The following SPOCK3 variants were observed in gnomAD, a reference collection of about 807,000 sequenced individuals.
The protein encoded by SPOCK3 is testican-3.
Under a neutral mutation model 56.6 loss-of-function variants are expected in SPOCK3, and 30 were observed. The observed-to-expected ratio is 0.53, with a 90% CI of 0.40 to 0.72. The LOEUF (loss-of-function observed/expected upper bound fraction) is 0.72. SPOCK3 is among the 30% of genes least tolerant of loss of function. The probability of loss-of-function intolerance (pLI) is 0.00; values close to 1 mark genes in which losing one functional copy is unlikely to be tolerated. For missense variants in SPOCK3, 527 were observed against 530.0 expected (o/e 0.99, Z 0.06); for synonymous variants, 196 against 183.3 (o/e 1.07, Z -0.56).
chr4:167,010,700 C>A (rs1169480512), intron 3 of SPOCK3, among the ~76,000 whole-genome samples: 1 of 151,850 alleles, frequency 6.6e-6, no homozygotes, highest in African/African-American at 2.4e-5. Flanking sequence ...AGTATACCGA[C>A]GGACCCAGAA....
At chr4:166,754,403 T>C (rs1444951826) in intron 8 of SPOCK3, 105 bp downstream of exon 8, 9 of 1,422,766 alleles carry the variant, frequency 6.3e-6, no homozygotes, top group African/African-American at 2.9e-5. Context: ...TACAAAAACA[T>C]ACACAAAATG....
Position 166,741,138 on chromosome 4 carries a change from G to A in SPOCK3, c.994+859C>T, listed in dbSNP as rs147074607. Among the ~76,000 whole-genome samples, 65 of 152,194 alleles carry A rather than the reference G, an allele frequency of 4.3e-4. No individual in the cohort carries two copies. In the East Asian group the frequency reaches 7.9e-3, roughly 19 times the overall value. ...TAAATACACGAGTGTGTTAATATCC[G>A]TGAAAAGAAATATTGCATGTGTGCT... On this transcript the variant is annotated intron_variant, in intron 9 of 10. Transcript: ENST00000357545.
chr4:166,842,612 A>G (rs1217437514), intron 6 of SPOCK3, among the ~76,000 whole-genome samples: 1 of 151,936 alleles, frequency 6.6e-6, no homozygotes, highest in Non-Finnish European at 1.5e-5. Flanking sequence ...CTAGACATAA[A>G]GGTTTTCCAA....
At position 167,202,361 on chromosome 4, in the gene SPOCK3, T is replaced by C. The variant is rs1733599413; in HGVS notation, c.189+31624A>G. 3.3e-5 allele frequency among the ~76,000 whole-genome samples: 5 copies of C among 152,000 alleles called. No homozygotes were observed. In the South Asian group the frequency reaches 1.0e-3, roughly 31 times the overall value. ...ACTTTATAGTCTTTATAAAGGTTTA[T>C]ATAGACATGAGAGAAAGAAAAAATA... On this transcript the variant is annotated intron_variant, in intron 2 of 10. Coordinates refer to ENST00000357545, the MANE Select transcript of SPOCK3 (RefSeq NM_001040159.2).
chr4:167,077,415 A>T (rs1757300021), intron 2 of SPOCK3, among the ~76,000 whole-genome samples: 1 of 151,918 alleles, frequency 6.6e-6, no homozygotes, highest in Non-Finnish European at 1.5e-5. Flanking sequence ...AAGGAAATGC[A>T]CAAGATGTTC....
chr4:167,233,909 C>T (rs1737446861), intron 2 of SPOCK3, 76 bp downstream of exon 2: 2 of 1,316,816 alleles, frequency 1.5e-6, no homozygotes, highest in Non-Finnish European at 1.1e-6. Context: ...CACTCCCCAC[C>T]CACATCCGGC....
intron 4 of SPOCK3, among the ~76,000 whole-genome samples, chr4:166,998,333 G>C (rs1445102415): frequency 6.6e-6 from 1 of 152,138 alleles, no homozygotes; most frequent in Non-Finnish European, 1.5e-5. Context: ...CAAAGCTTCA[G>C]TAGTGCCCTA....
intron 3 of SPOCK3, among the ~76,000 whole-genome samples, chr4:167,001,042 C>T (rs576610238): frequency 1.3e-5 from 2 of 152,292 alleles, no homozygotes; most frequent in Non-Finnish European, 1.5e-5. Flanking sequence ...ACCACCATTT[C>T]TTCAAACAAA....
At chr4:167,038,887 T>C (rs1421238980) in intron 3 of SPOCK3, among the ~76,000 whole-genome samples, 3 of 152,186 alleles carry the variant, frequency 2.0e-5, no homozygotes, top group South Asian at 2.1e-4. Flanking sequence ...TGATGGAATA[T>C]GTTTAGCAAT....
At chr4:166,847,647 T>TTATATATATATATACATATATATATA (rs1553986752) in intron 6 of SPOCK3, among the ~76,000 whole-genome samples, 3 of 55,368 alleles carry the variant, frequency 5.4e-5, no homozygotes, top group African/African-American at 1.5e-4. Flanking sequence ...AAATCCTAGT[T>TTATATATATATATACATATATATATA]TATATATATA....
rs1491302554 is a variant in SPOCK3, at chr4:167,109,406, TAA to T, written c.190-46871_190-46870del. ...AAATATATAAATATATATTTATATA[TAA>T]ATATATATATAAATATATATATGAT... is the stretch of plus-strand genomic sequence containing the variant. On this transcript the variant is annotated intron_variant, in intron 2 of 10. Transcript: ENST00000357545. 1.3e-3 allele frequency among the ~76,000 whole-genome samples: 109 copies of T among 83,444 alleles called. 1 individual carries two copies. The highest frequency in any genetic ancestry group is 4.8e-3 in the African/African-American group (107 of 22,248). The allele number at this position is 83,444 out of a possible 152,430, so 54.7% of individuals were successfully genotyped here.
At chr4:166,831,515 T>C (rs982381749) in intron 6 of SPOCK3, among the ~76,000 whole-genome samples, 3 of 152,084 alleles carry the variant, frequency 2.0e-5, no homozygotes, top group Admixed American at 2.0e-4. Flanking sequence ...TCTTCTTGAG[T>C]AAGCATTAGT....
chr4:167,105,027 T>C lies in SPOCK3; in HGVS notation c.190-42490A>G, dbSNP rs892153449. Among the ~76,000 whole-genome samples, 132 of 151,860 alleles carry C rather than the reference T, an allele frequency of 8.7e-4. 4 individuals are homozygous for C. The highest frequency in any genetic ancestry group is 8.6e-3 in the Admixed American group (131 of 15,224). ...ATCCAGTGAAAATATCTTTCAAATA[T>C]GAAAGAGAAATAAAAGCTTTCTAAG... is the stretch of plus-strand genomic sequence containing the variant. On this transcript the variant is annotated intron_variant, in intron 2 of 10. Coordinates refer to ENST00000357545, the MANE Select transcript of SPOCK3 (RefSeq NM_001040159.2).
At chr4:166,899,454 A>T (rs1314458165) in intron 5 of SPOCK3, among the ~76,000 whole-genome samples, 1 of 150,434 alleles carries the variant, frequency 6.6e-6, no homozygotes, top group African/African-American at 2.4e-5. Context: ...GTCAGAAGAG[A>T]TGGCTGATAA....
chr4:167,096,069 T>G (rs1027716470), intron 2 of SPOCK3, among the ~76,000 whole-genome samples: 23 of 151,924 alleles, frequency 1.5e-4, no homozygotes, highest in Non-Finnish European at 2.8e-4. Context: ...ATTGGCTTTC[T>G]ATGTGCAAAA....
intron 6 of SPOCK3, among the ~76,000 whole-genome samples, chr4:166,873,448 G>A (rs192993568): frequency 6.6e-6 from 1 of 152,182 alleles, no homozygotes; most frequent in Admixed American, 6.5e-5. Context: ...AGCAAATGAT[G>A]CAATTGCAGT....
intron 3 of SPOCK3, among the ~76,000 whole-genome samples, chr4:167,020,566 G>A (rs1264826717): frequency 6.6e-6 from 1 of 152,056 alleles, no homozygotes; most frequent in Non-Finnish European, 1.5e-5. Context: ...TGTGAGAACA[G>A]TGTTCATACG....
intron 4 of SPOCK3, among the ~76,000 whole-genome samples, chr4:166,935,294 C>T (rs1469000317): frequency 1.3e-5 from 2 of 152,044 alleles, no homozygotes; most frequent in African/African-American, 4.8e-5. Flanking sequence ...AGGCTTGCTC[C>T]CACTTACAAT....
At chr4:166,941,644 T>C (rs1741081206) in intron 4 of SPOCK3, among the ~76,000 whole-genome samples, 1 of 152,192 alleles carries the variant, frequency 6.6e-6, no homozygotes, top group African/African-American at 2.4e-5. Context: ...CCTTCTAATA[T>C]ACAGAAGACA....
Sources: allele counts gnomAD v4.1 joint callset (sites outside exome capture counted in the v4.1 genomes callset), GRCh38; gene constraint gnomAD v4.1.1; transcripts MANE v1.5; gene names NCBI Gene and HGNC (gene_info 2026-07-23, HGNC 2026-07-21).